NRXN3: variants seen among roughly 807,000 people sequenced by gnomAD.
NRXN3 encodes the protein neurexin III.
In NRXN3, 32 loss-of-function variants were observed where a neutral mutation model predicts 137.6. The ratio of observed to expected loss-of-function variants is 0.23; its 90% CI spans 0.18 to 0.31. NRXN3 has a LOEUF of 0.31. NRXN3 is among the 10% of genes least tolerant of loss of function. The probability of loss-of-function intolerance (pLI) is 1.00; values close to 1 mark genes in which losing one functional copy is unlikely to be tolerated. For missense variants in NRXN3, 1,574 were observed against 2,062.5 expected (o/e 0.76, Z 4.59); for synonymous variants, 798 against 784.5 (o/e 1.02, Z -0.29).
chr14:79,280,149 G>T lies in NRXN3; in HGVS notation c.3263-187072G>T, dbSNP rs1464568640. On this transcript the variant is annotated intron_variant, in intron 15 of 20. Coordinates refer to ENST00000335750, the MANE Select transcript of NRXN3 (RefSeq NM_001330195.2). ...TAATTTTTTAACTGATTCATTGTTTGGAAAGCGCATATTGCTTCCCTCTTC... is the reference window on the plus strand; with the variant it reads ...TAATTTTTTAACTGATTCATTGTTTTGAAAGCGCATATTGCTTCCCTCTTC... 2.7e-6 allele frequency: 4 copies of T among 1,472,824 alleles called. No individual in the cohort carries two copies. In the East Asian group the frequency reaches 7.0e-5, roughly 26 times the overall value. 91.2% of individuals were successfully genotyped at this position (1,472,824 alleles called of 1,614,324 possible).
At chr14:78,537,914 G>A (rs573161030) in intron 4 of NRXN3, among the ~76,000 whole-genome samples, 1 of 152,232 alleles carries the variant, frequency 6.6e-6, no homozygotes, top group African/African-American at 2.4e-5. Context: ...AAGATCAGAT[G>A]GTTGTAGATG....
In NRXN3 at chr14:78,957,370, G is replaced by A. The variant is rs1567817461; in HGVS notation, c.2395+9G>A. The A allele has an allele frequency of 6.2e-7, 1 of 1,608,564 alleles. No individual in the cohort carries two copies. Among genetic ancestry groups the A allele is most frequent in the Non-Finnish European group, 8.5e-7 (1 of 1,179,060 alleles). On this transcript the variant is annotated intron_variant, in intron 11 of 20. Coordinates refer to ENST00000335750, the MANE Select transcript of NRXN3 (RefSeq NM_001330195.2). ...TGATGATGTGGCTGAGGGTGAGTAT[G>A]ACTATGGTGAAATTCGTCTGTCTTT... is the stretch of plus-strand genomic sequence containing the variant.
intron 16 of NRXN3, among the ~76,000 whole-genome samples, chr14:79,470,949 AGAGTGTGTGTGTGT>A (rs1431347888): frequency 5.2e-5 from 3 of 57,318 alleles, no homozygotes; most frequent in South Asian, 6.6e-4. Context: ...AAAGAGAGAG[AGAGTGTGTGTGTGT>A]GTGTGTGTGT....
rs1009705802 is a variant in NRXN3 at position 79,279,304 on chromosome 14, C to A, written c.3263-187917C>A. The A allele has an allele frequency of 1.9e-5, 18 of 964,162 alleles. No individual in the cohort carries two copies. In the African/African-American group the frequency reaches 3.0e-4, roughly 16 times the overall value. 59.7% of individuals were successfully genotyped at this position (964,162 alleles called of 1,614,324 possible). ...CCAGTCCCTCGGCAGAGCGCTGGGGCTGCACTGATTTGCTCTCGGGAGTGC... is the reference window on the plus strand; with the variant it reads ...CCAGTCCCTCGGCAGAGCGCTGGGGATGCACTGATTTGCTCTCGGGAGTGC... On this transcript the variant is annotated intron_variant, in intron 15 of 20. Transcript: ENST00000335750.
intron 15 of NRXN3, among the ~76,000 whole-genome samples, chr14:79,415,362 C>T (rs1023379167): frequency 3.3e-5 from 5 of 152,000 alleles, no homozygotes; most frequent in African/African-American, 4.8e-5. Flanking sequence ...TGTCATTATT[C>T]CCTAAACGAT....
At chr14:79,297,124 C>A (rs933737198) in intron 15 of NRXN3, among the ~76,000 whole-genome samples, 7 of 152,202 alleles carry the variant, frequency 4.6e-5, no homozygotes, top group Non-Finnish European at 1.0e-4. Context: ...TCAAGGAAAT[C>A]CCCCTGCCAT....
At chr14:78,359,945 C>T (rs1030767462) in intron 4 of NRXN3, among the ~76,000 whole-genome samples, 5 of 152,242 alleles carry the variant, frequency 3.3e-5, no homozygotes, top group Admixed American at 3.3e-4. Context: ...AATTTTTAAT[C>T]TCTCCCTTTC....
At chr14:79,057,312 G>A (rs1310155452) in intron 15 of NRXN3, among the ~76,000 whole-genome samples, 1 of 152,180 alleles carries the variant, frequency 6.6e-6, no homozygotes, top group Admixed American at 6.5e-5. Flanking sequence ...AAATACGTAA[G>A]GTGATAATTG....
intron 15 of NRXN3, among the ~76,000 whole-genome samples, chr14:79,433,147 A>C (rs61993137): frequency 0.076 from 11,536 of 152,318 alleles, 628 homozygotes; most frequent in Middle Eastern, 0.14. Context: ...GAATGTCTGC[A>C]GAAAGAAACG....
intron 15 of NRXN3, among the ~76,000 whole-genome samples, chr14:79,443,958 C>A (rs2096011487): frequency 6.6e-6 from 1 of 152,058 alleles, no homozygotes; most frequent in African/African-American, 2.4e-5. Context: ...ACCCCATTAT[C>A]CAGCTGTTGG....
At chr14:78,476,665 T>C (rs1320661841) in intron 4 of NRXN3, among the ~76,000 whole-genome samples, 1 of 152,238 alleles carries the variant, frequency 6.6e-6, no homozygotes, top group Non-Finnish European at 1.5e-5. Context: ...GTCAATTGAT[T>C]TATAATATGA....
At chr14:78,995,762 G>T (rs1454822278) in intron 15 of NRXN3, among the ~76,000 whole-genome samples, 3 of 152,162 alleles carry the variant, frequency 2.0e-5, no homozygotes, top group Non-Finnish European at 4.4e-5. Context: ...TCCATAATGA[G>T]AGAAACAAGA....
chr14:79,721,727 G>A (rs765260840), intron 19 of NRXN3, among the ~76,000 whole-genome samples: 1 of 152,092 alleles, frequency 6.6e-6, no homozygotes, highest in Middle Eastern at 3.2e-3. Context: ...ATTAAATCAA[G>A]GGGGTAAACA....
intron 4 of NRXN3, among the ~76,000 whole-genome samples, chr14:78,580,476 A>G (rs1329606600): frequency 6.6e-6 from 1 of 152,012 alleles, no homozygotes; most frequent in South Asian, 2.1e-4. Flanking sequence ...TTCATCTCCA[A>G]CTCAAGGGTG....
intron 15 of NRXN3, among the ~76,000 whole-genome samples, chr14:79,306,293 G>A (rs989749740): frequency 6.6e-6 from 1 of 152,058 alleles, no homozygotes; most frequent in African/African-American, 2.4e-5. Context: ...ACACATCCTT[G>A]TTGAAGTCTC....
intron 15 of NRXN3, among the ~76,000 whole-genome samples, chr14:79,433,502 C>T (rs1417839503): frequency 6.6e-6 from 1 of 152,100 alleles, no homozygotes; most frequent in Non-Finnish European, 1.5e-5. Flanking sequence ...TGTCTCCAGA[C>T]TCACACTAGT....
rs192093976 is a variant in NRXN3, at chr14:79,084,448, A to T, written c.3262+96307A>T. Among the ~76,000 whole-genome samples the T allele has an allele frequency of 1.6e-3, 237 of 152,326 alleles. 5 individuals are homozygous for T. The highest frequency in any genetic ancestry group is 0.015 in the Admixed American group (229 of 15,298). ...AACAAAAGGGATATTATTTAAAAATATTGCCAACTGACTATCATTAAAGCC... is the reference window on the plus strand; with the variant it reads ...AACAAAAGGGATATTATTTAAAAATTTTGCCAACTGACTATCATTAAAGCC... On this transcript the variant is annotated intron_variant, in intron 15 of 20. Coordinates refer to ENST00000335750, the MANE Select transcript of NRXN3 (RefSeq NM_001330195.2).
At chr14:79,370,651 A>G (rs1314554120) in intron 15 of NRXN3, among the ~76,000 whole-genome samples, 2 of 152,130 alleles carry the variant, frequency 1.3e-5, no homozygotes, top group Non-Finnish European at 2.9e-5. Flanking sequence ...CAGAAGGTGT[A>G]GTGGGATGTT....
intron 4 of NRXN3, among the ~76,000 whole-genome samples, chr14:78,411,895 C>T (rs12887343): frequency 0.43 from 65,274 of 152,008 alleles, 14,302 homozygotes; most frequent in Middle Eastern, 0.6. Context: ...ATGTCCTTTT[C>T]CAACTCTGAG....
Sources: allele counts gnomAD v4.1 joint callset (sites outside exome capture counted in the v4.1 genomes callset), GRCh38; gene constraint gnomAD v4.1.1; transcripts MANE v1.5; gene names NCBI Gene and HGNC (gene_info 2026-07-23, HGNC 2026-07-21).